UBR4: variants seen among roughly 807,000 people sequenced by gnomAD.
UBR4 encodes ubiquitin protein ligase E3 component n-recognin 4, also known as E3 ubiquitin-protein ligase UBR4.
In UBR4, 124 loss-of-function variants were observed where a neutral mutation model predicts 575.6. The observed-to-expected ratio is 0.22, with a 90% CI of 0.19 to 0.25. The LOEUF is 0.25. Ranked by LOEUF, UBR4 falls within the 10% of genes least tolerant of loss-of-function variation. UBR4 has a pLI of 1.00. For synonymous variants in UBR4, 2,455 were observed against 2,473.7 expected, an observed-to-expected ratio of 0.99 and a Z score of 0.22; for missense variants, 4,818 against 6,478.8, an observed-to-expected ratio of 0.74 and a Z score of 8.80.
chr1:19,139,080 T>G lies in UBR4; in HGVS notation c.8731+3A>C, dbSNP rs748603226. Reference sequence around the variant, plus strand: ...AGACAGGACCCCCGCCATGGCACATTACCACTGTGCTCGCCAGCCACTGAG... The same window carrying G: ...AGACAGGACCCCCGCCATGGCACATGACCACTGTGCTCGCCAGCCACTGAG... On this transcript the variant is annotated splice_donor_region_variant and intron_variant, in intron 59 of 105. Transcript: ENST00000375254. This position sits in a 1 kb window ranked among gnomAD's most constrained non-coding sequence, Gnocchi z 4.2. 1 of 1,610,504 alleles carries G rather than the reference T, an allele frequency of 6.2e-7. No homozygotes were observed. Among genetic ancestry groups the G allele is most frequent in the Non-Finnish European group, 8.5e-7 (1 of 1,178,036 alleles).
chr1:19,148,802 C>T (rs1262314396), intron 49 of UBR4, among the ~76,000 whole-genome samples, 176 bp from the exon 50 acceptor site: 1 of 152,220 alleles, frequency 6.6e-6, no homozygotes, highest in Non-Finnish European at 1.5e-5. Context: ...ACGTTACAGG[C>T]CAGGAGAAAC....
intron 62 of UBR4, 59 bp from the exon 63 acceptor site, chr1:19,127,798 T>A: frequency 7.2e-7 from 1 of 1,388,136 alleles, no homozygotes; most frequent in Non-Finnish European, 1.0e-6. Context: ...AGGCATCCTC[T>A]GAACAAGATC....
chr1:19,185,312 AAAAT>A, intron 14 of UBR4, 26 bp from the exon 15 acceptor site: 1 of 1,503,808 alleles, frequency 6.6e-7, no homozygotes, highest in Non-Finnish European at 8.9e-7. Flanking sequence ...TAAAGTAACG[AAAAT>A]AAATATTTTT....
chr1:19,118,951 C>T lies in UBR4; in HGVS notation c.10462G>A (p.Glu3488Lys). Residue 3488 changes from glutamate to lysine, a missense_variant, in exon 71 of 106, where the codon GAG (glutamate) becomes AAG (lysine). Physicochemically the swap from Glu to Lys is moderately conservative, Grantham distance 56. Around this residue, in one of 29 missense-constraint regions of UBR4, gnomAD observed 550 missense variants for 791.5 expected, o/e 0.69. Coordinates refer to ENST00000375254, the MANE Select transcript of UBR4 (RefSeq NM_020765.3). ...ATCTCCACAGCCTTCTGTGAATACT[C>T]CTTCAACTGAAACAGAATTCAGTAA... ...KTPQTEKKLK[E>K]YSQKAVEILR... 6.2e-7 allele frequency: 1 copy of T among 1,614,114 alleles called. No individual in the cohort carries two copies. Among genetic ancestry groups the T allele is most frequent in the Non-Finnish European group, 8.5e-7 (1 of 1,179,956 alleles).
intron 39 of UBR4, 58 bp from the exon 40 acceptor site, chr1:19,158,055 A>G: frequency 1.3e-6 from 2 of 1,556,102 alleles, no homozygotes; most frequent in Non-Finnish European, 1.8e-6. Flanking sequence ...AATCAAGTGG[A>G]TTCACGCACT....
intron 81 of UBR4, 22 bp from the exon 82 acceptor site, chr1:19,106,988 AGGTGAG>A (rs1352736082): frequency 2.5e-6 from 4 of 1,610,660 alleles, no homozygotes; most frequent in Non-Finnish European, 3.4e-6. Context: ...AAGTGGAGCA[AGGTGAG>A]GGCGCTCAAG....
At chr1:19,116,961 T>C (rs1484072335) in intron 73 of UBR4, among the ~76,000 whole-genome samples, 4 of 151,930 alleles carry the variant, frequency 2.6e-5, no homozygotes, top group Non-Finnish European at 5.9e-5. Flanking sequence ...GTCCCCTCAC[T>C]CAGCTTCCCC....
chr1:19,150,824 C>A (rs765728981), intron 48 of UBR4, 31 bp from the exon 49 acceptor site: 5 of 1,608,374 alleles, frequency 3.1e-6, no homozygotes, highest in Non-Finnish European at 4.2e-6. Flanking sequence ...CTTTAGGAAG[C>A]ACATTCTCTA....
At chr1:19,078,170 G>A in intron 103 of UBR4, 104 bp from the exon 104 acceptor site, 5 of 1,166,948 alleles carry the variant, frequency 4.3e-6, no homozygotes, top group Non-Finnish European at 6.2e-6. Context: ...AGTGGTGTAT[G>A]CATCTCGGAG....
rs149376339 is a variant in UBR4, at chr1:19,104,622, G to A, written c.12690C>T (p.Thr4230=). The part of the protein sequence containing the change: ...LLALEEATLS[T]DLQQGYALKS... ...TAAGGGCATAACCCTGCTGCAGATC[G>A]GTACTCAGGGTAGCCTCCTCCAGGG... The change falls in exon 86 of 106, where the codon ACC becomes ACT. Residue 4230 remains threonine, a synonymous_variant. Coordinates refer to ENST00000375254, the MANE Select transcript of UBR4 (RefSeq NM_020765.3). The A allele has an allele frequency of 8.6e-5, 139 of 1,613,966 alleles. No individual in the cohort carries two copies. In the African/African-American group the frequency reaches 1.0e-3, roughly 12 times the overall value.
At chr1:19,087,689 A>G in intron 99 of UBR4, 127 bp downstream of exon 99, 1 of 669,426 alleles carries the variant, frequency 1.5e-6, no homozygotes, top group Non-Finnish European at 2.5e-6. Context: ...TCCTTTTGTT[A>G]ATCTCCTAAG....
At position 19,097,174 on chromosome 1, in the gene UBR4, G is replaced by A. The variant is rs771551908; in HGVS notation, c.13390+19C>T. On this transcript the variant is annotated intron_variant, in intron 91 of 105. Transcript: ENST00000375254. ...ATGAGTCCCAAGCCTCAGATCCAAT[G>A]TGCAGTGCCATGATCTACCTGTAGT... is the stretch of plus-strand genomic sequence containing the variant. 2 of 1,601,494 alleles carry A rather than the reference G, an allele frequency of 1.2e-6. No homozygotes were observed. The highest frequency in any genetic ancestry group is 1.8e-5 in the Admixed American group (1 of 57,060).
intron 17 of UBR4, among the ~76,000 whole-genome samples, chr1:19,181,899 C>T (rs1042555404): frequency 2.0e-5 from 3 of 152,154 alleles, no homozygotes; most frequent in Non-Finnish European, 4.4e-5. Context: ...CTACCATCCA[C>T]GTCCAGAACT....
chr1:19,097,042 C>T (rs377723985), intron 91 of UBR4, 151 bp downstream of exon 91: 7 of 567,454 alleles, frequency 1.2e-5, no homozygotes, highest in East Asian at 6.5e-5. Flanking sequence ...GCCACAGACA[C>T]CTCTTTTTTT....
In UBR4 at chr1:19,153,085, G is replaced by A. The variant is rs1016176915; in HGVS notation, c.6832+216C>T. 6.6e-6 allele frequency among the ~76,000 whole-genome samples: 1 copy of A among 152,184 alleles called. No homozygotes were observed. Among genetic ancestry groups the A allele is most frequent in the African/African-American group, 2.4e-5 (1 of 41,454 alleles). ...TCAAATAAGGTCCAGGACATAACTC[G>A]TTACTAGGCACCAAAGAACTGCTGG... On this transcript the variant is annotated intron_variant, in intron 46 of 105. Transcript: ENST00000375254. The surrounding 1 kb of genome is among the most constrained non-coding windows in gnomAD (Gnocchi z 4.1).
intron 5 of UBR4, 72 bp downstream of exon 5, chr1:19,198,469 A>T: frequency 6.5e-7 from 1 of 1,528,142 alleles, no homozygotes; most frequent in Non-Finnish European, 8.9e-7. Flanking sequence ...AAAATACATC[A>T]CTTTTTCTCC....
chr1:19,192,155 C>T (rs2092136484), intron 11 of UBR4, 33 bp downstream of exon 11: 1 of 1,587,126 alleles, frequency 6.3e-7, no homozygotes, highest in African/African-American at 1.4e-5. Flanking sequence ...CGAAATAAAA[C>T]AAAATATAAG....
chr1:19,113,627 C>T, intron 77 of UBR4, 72 bp downstream of exon 77: 1 of 1,586,364 alleles, frequency 6.3e-7, no homozygotes, highest in Non-Finnish European at 8.6e-7. Context: ...GAGAGAGCAG[C>T]AGGACTGCTG....
chr1:19,152,163 C>T lies in UBR4; in HGVS notation c.6996+150G>A, dbSNP rs906087614. ...CCTTTGCCAAGTGAGTAAGAATATC[C>T]ATTTTTCTAAGGAACCATTTAACTA... On this transcript the variant is annotated intron_variant, in intron 47 of 105. Transcript: ENST00000375254. The surrounding 1 kb of genome is among the most constrained non-coding windows in gnomAD (Gnocchi z 4.4). 9 of 1,218,284 alleles carry T rather than the reference C, an allele frequency of 7.4e-6. No individual in the cohort carries two copies. The Admixed American group carries it at 2.0e-4, about 27-fold the overall frequency. The allele number at this position is 1,218,284 out of a possible 1,614,324, so 75.5% of individuals were successfully genotyped here.
Sources: gnomAD v4.1 joint callset for allele counts (sites outside exome capture counted in the v4.1 genomes callset) on GRCh38, gnomAD v4.1.1 for gene constraint, gnomAD v4.1.1 regional missense constraint, Gnocchi (gnomAD v3.1) non-coding constraint, MANE v1.5 for transcripts, NCBI Gene and HGNC (gene_info 2026-07-23, HGNC 2026-07-21) for gene names.